ETV5: variants seen among roughly 807,000 people sequenced by gnomAD.
ETV5 encodes ETS variant transcription factor 5.
ETV5 carries 10 observed loss-of-function variants against 70.0 expected under a neutral mutation model. That is an observed-to-expected ratio of 0.14 (90% CI 0.09 to 0.24). The LOEUF is 0.24. Among genes scored for constraint, ETV5 ranks in the 10% least tolerant of loss-of-function variants. ETV5 has a pLI of 1.00. For missense variants in ETV5, 453 were observed against 651.2 expected, an observed-to-expected ratio of 0.70 and a Z score of 3.31; for synonymous variants, 216 against 242.2, an observed-to-expected ratio of 0.89 and a Z score of 1.01.
At chr3:186,049,605 G>C (rs1048197376) in intron 12 of ETV5, among the ~76,000 whole-genome samples, 2 of 152,178 alleles carry the variant, frequency 1.3e-5, no homozygotes, top group South Asian at 2.1e-4. Flanking sequence ...GTCTGGAGAC[G>C]CAGAGGGGGA....
intron 5 of ETV5, among the ~76,000 whole-genome samples, chr3:186,100,297 C>T (rs1051286104): frequency 1.3e-5 from 2 of 152,186 alleles, no homozygotes; most frequent in Non-Finnish European, 2.9e-5. Context: ...CCTCAAACCT[C>T]TTATTTTTAA....
At chr3:186,061,922 T>G (rs990528004) in intron 9 of ETV5, among the ~76,000 whole-genome samples, 1 of 152,214 alleles carries the variant, frequency 6.6e-6, no homozygotes, top group South Asian at 2.1e-4. Flanking sequence ...TTTAAAAATC[T>G]GTGACAATGT....
intron 8 of ETV5, 128 bp from the exon 9 acceptor site, chr3:186,064,604 T>C: frequency 1.1e-6 from 1 of 912,202 alleles, no homozygotes; most frequent in South Asian, 1.4e-5. Context: ...CTTTCTGGCT[T>C]TGTCCTGGGA....
In ETV5 at chr3:186,048,680, GGTCCAT is replaced by G; in HGVS notation, c.1486_1491del (p.Met496_Asp497del). On this transcript the variant is annotated inframe_deletion, in exon 13 of 13. Transcript: ENST00000306376. ...TCGGCATAGGGGAGGCTGCTGCAGC[GGTCCAT>G]GTCCAGGAGGTAAGCGGGGCTGTCT... is the stretch of plus-strand genomic sequence containing the variant. 6.2e-7 allele frequency: 1 copy of G among 1,614,168 alleles called. No homozygotes were observed. Among genetic ancestry groups the G allele is most frequent in the Non-Finnish European group, 8.5e-7 (1 of 1,180,028 alleles).
intron 5 of ETV5, among the ~76,000 whole-genome samples, chr3:186,096,063 A>G (rs1484851107): frequency 6.6e-6 from 1 of 152,174 alleles, no homozygotes; most frequent in Non-Finnish European, 1.5e-5. Flanking sequence ...GGAAGCAGGG[A>G]CTATGATTAT....
intron 5 of ETV5, among the ~76,000 whole-genome samples, chr3:186,098,002 T>C (rs896529270): frequency 1.3e-5 from 2 of 152,198 alleles, no homozygotes; most frequent in Non-Finnish European, 2.9e-5. Context: ...GCAGACCTAA[T>C]AGTGCTCAGC....
Position 186,057,500 on chromosome 3 carries a change from G to GA in ETV5, c.971-10dup. On this transcript the variant is annotated splice_polypyrimidine_tract_variant and intron_variant, in intron 9 of 12. Coordinates refer to ENST00000306376, the MANE Select transcript of ETV5 (RefSeq NM_004454.3). This position sits in a 1 kb window ranked among gnomAD's most constrained non-coding sequence, Gnocchi z 4.9. ...TTTTTCATATGAAAAACCTGAAAGA[G>GA]AATTTAAAAGAAAGACTACGTTGCT... The GA allele has an allele frequency of 6.2e-7, 1 of 1,609,976 alleles. No homozygotes were observed. Among genetic ancestry groups the GA allele is most frequent in the African/African-American group, 1.3e-5 (1 of 74,940 alleles).
intron 5 of ETV5, among the ~76,000 whole-genome samples, chr3:186,083,128 G>A (rs987370930): frequency 6.6e-6 from 1 of 152,178 alleles, no homozygotes; most frequent in Non-Finnish European, 1.5e-5. Flanking sequence ...TAGTAAATGA[G>A]AATTTGACAC....
chr3:186,105,404 C>T lies in ETV5; in HGVS notation c.181+45G>A, dbSNP rs563377556. The T allele has an allele frequency of 1.9e-6, 3 of 1,612,056 alleles. No individual in the cohort carries two copies. The highest frequency in any genetic ancestry group is 2.2e-5 in the South Asian group (2 of 90,634). ...GACCTTTAAGTTTTATTAAAAAGCA[C>T]AGTAAAATGTTTTATATGGAAAATA... On this transcript the variant is annotated intron_variant, in intron 4 of 12. Coordinates refer to ENST00000306376, the MANE Select transcript of ETV5 (RefSeq NM_004454.3). This position sits in a 1 kb window ranked among gnomAD's most constrained non-coding sequence, Gnocchi z 4.5.
chr3:186,074,789 C>T (rs1713737335), intron 7 of ETV5, among the ~76,000 whole-genome samples: 1 of 146,572 alleles, frequency 6.8e-6, no homozygotes, highest in African/African-American at 2.5e-5. Context: ...TGGTGCCCGC[C>T]TATAATTCCA....
rs991970378 is a variant in ETV5, at chr3:186,064,186, G to T, written c.970+231C>A. The stretch of plus-strand genomic sequence containing the variant: ...GGCTTAGGGGCATGCTTGAAACCCT[G>T]CGTGCAAAATAATTGAAGATTACAA... On this transcript the variant is annotated intron_variant, in intron 9 of 12. Transcript: ENST00000306376. The T allele has an allele frequency of 1.2e-5, 7 of 570,876 alleles. No homozygotes were observed. The African/African-American group carries it at 1.3e-4, about 11-fold the overall frequency. 35.4% of individuals were successfully genotyped at this position (570,876 alleles called of 1,614,324 possible).
At chr3:186,066,206 T>G in intron 7 of ETV5, 134 bp from the exon 8 acceptor site, 1 of 535,040 alleles carries the variant, frequency 1.9e-6, no homozygotes, top group Non-Finnish European at 2.7e-6. Context: ...TCTGGGCATT[T>G]TACCCTCTTC....
In ETV5 at chr3:186,056,025, T is replaced by C. The variant is rs1198307665; in HGVS notation, c.1209+1050A>G. On this transcript the variant is annotated intron_variant, in intron 11 of 12. Transcript: ENST00000306376. ...TTCCATTTATAATCTCTCTAGATTC[T>C]AAATCAAACAGAAATTAAAAATCAA... is the stretch of plus-strand genomic sequence containing the variant. Among the ~76,000 whole-genome samples the C allele has an allele frequency of 2.6e-5, 4 of 152,224 alleles. No individual in the cohort carries two copies. In the East Asian group the frequency reaches 7.7e-4, roughly 29 times the overall value.
intron 5 of ETV5, among the ~76,000 whole-genome samples, chr3:186,103,564 G>A (rs1274104914): frequency 6.6e-6 from 1 of 151,686 alleles, no homozygotes; most frequent in African/African-American, 2.4e-5. Flanking sequence ...GAAAGGCTGG[G>A]CCAAATTGTC....
chr3:186,047,661 GC>G lies in ETV5; in HGVS notation c.*977del, dbSNP rs1451123651. ...GTCTGGTGCAGAAAGCACAAAGCAG[GC>G]AACAAGGCGGGCTTTCACATGGCCA... On this transcript the variant is annotated 3_prime_UTR_variant, in exon 13 of 13. Transcript: ENST00000306376. 10 of 233,240 alleles carry G rather than the reference GC, an allele frequency of 4.3e-5. No individual in the cohort carries two copies. In the Admixed American group the frequency reaches 5.6e-4, roughly 13 times the overall value. The allele number at this position is 233,240 out of a possible 1,614,324, so 14.4% of individuals were successfully genotyped here.
chr3:186,064,601 G>T, intron 8 of ETV5, 125 bp from the exon 9 acceptor site: 2 of 936,108 alleles, frequency 2.1e-6, no homozygotes, highest in Non-Finnish European at 3.5e-6. Flanking sequence ...TGTCTTTCTG[G>T]CTTTGTCCTG....
At chr3:186,058,831 T>C (rs1713231360) in intron 9 of ETV5, among the ~76,000 whole-genome samples, 1 of 152,014 alleles carries the variant, frequency 6.6e-6, no homozygotes, top group Admixed American at 6.6e-5. Context: ...CTGGCCAACA[T>C]GGTGAAACCA....
Position 186,048,255 on chromosome 3 carries a change from T to C in ETV5, c.*384A>G, listed in dbSNP as rs1469280596. 1 of 275,342 alleles carries C rather than the reference T, an allele frequency of 3.6e-6. No individual in the cohort carries two copies. The highest frequency in any genetic ancestry group is 2.2e-5 in the African/African-American group (1 of 46,432). The allele number at this position is 275,342 out of a possible 1,614,324, so 17.1% of individuals were successfully genotyped here. Reference sequence around the variant, plus strand: ...CAAATTGTGCAAATCAGAGCCCTTCTATGTAAAGGCATTTAGTAGTCCATG... The same window carrying C: ...CAAATTGTGCAAATCAGAGCCCTTCCATGTAAAGGCATTTAGTAGTCCATG... On this transcript the variant is annotated 3_prime_UTR_variant, in exon 13 of 13. Coordinates refer to ENST00000306376, the MANE Select transcript of ETV5 (RefSeq NM_004454.3).
At chr3:186,050,917 T>C (rs1425443185) in intron 12 of ETV5, among the ~76,000 whole-genome samples, 1 of 152,230 alleles carries the variant, frequency 6.6e-6, no homozygotes, top group Non-Finnish European at 1.5e-5. Flanking sequence ...TTAAGTAGGA[T>C]GACAGTTTAA....
Sources: gnomAD v4.1 joint callset for allele counts (sites outside exome capture counted in the v4.1 genomes callset) on GRCh38, gnomAD v4.1.1 for gene constraint, Gnocchi (gnomAD v3.1) non-coding constraint, MANE v1.5 for transcripts, NCBI Gene and HGNC (gene_info 2026-07-23, HGNC 2026-07-21) for gene names.